Variants in SEMA6A observed in about 807,000 individuals in gnomAD.
SEMA6A encodes the protein semaphorin-6A.
A neutral mutation model predicts 96.8 loss-of-function variants in SEMA6A; 25 were observed. The observed-to-expected ratio is 0.26, with a 90% confidence interval of 0.19 to 0.36. The LOEUF (loss-of-function observed/expected upper bound fraction) is 0.36, where lower values mean the gene tolerates loss of function less well. Among genes scored for constraint, SEMA6A ranks in the 10% least tolerant of loss-of-function variants. SEMA6A has a pLI of 1.00. For synonymous variants in SEMA6A, 612 were observed against 518.0 expected (o/e 1.18, Z -2.46); for missense variants, 1,363 against 1,323.1 (o/e 1.03, Z -0.47).
In SEMA6A at chr5:116,447,370, C is replaced by G. The variant is rs1422549935; in HGVS notation, c.2336G>C (p.Arg779Thr). The change falls in exon 19 of 19, where the codon AGG becomes ACG. Residue 779 changes from arginine to threonine, a missense_variant. By Grantham distance (71) the Arg-to-Thr change is moderately conservative. Coordinates refer to ENST00000343348, the MANE Select transcript of SEMA6A (RefSeq NM_020796.5). The stretch of plus-strand genomic sequence containing the variant: ...GCAGGCATTGATGAGGTTCTGGTTC[C>G]TCTCCCACTCGCGGCTGCCGCGGCT... ...KPSRGSREWE[R>T]NQNLINACTK... 5.0e-6 allele frequency: 8 copies of G among 1,613,880 alleles called. 1 individual carries two copies. Among genetic ancestry groups the G allele is most frequent in the African/African-American group, 1.3e-5 (1 of 74,948 alleles).
intron 1 of SEMA6A, among the ~76,000 whole-genome samples, chr5:116,523,363 A>T (rs1486366851): frequency 6.6e-6 from 1 of 151,996 alleles, no homozygotes; most frequent in African/African-American, 2.4e-5. Context: ...GCCCAGGCTG[A>T]AGTGCAGTGA....
chr5:116,523,486 A>C (rs775540759), intron 1 of SEMA6A, among the ~76,000 whole-genome samples: 2 of 151,564 alleles, frequency 1.3e-5, no homozygotes, highest in Non-Finnish European at 2.9e-5. Context: ...TAATTTTTGT[A>C]TTTTTTGTAG....
Position 116,531,426 on chromosome 5 carries a change from C to T in SEMA6A, c.-38-26444G>A, listed in dbSNP as rs575243942. Reference sequence around the variant, plus strand: ...GCCCTCTGGATGTTTCACCCGGGCCCAATCTACCTTGTGTAAAGGCCCTCC... The same window carrying T: ...GCCCTCTGGATGTTTCACCCGGGCCTAATCTACCTTGTGTAAAGGCCCTCC... On this transcript the variant is annotated intron_variant, in intron 1 of 18. Transcript: ENST00000343348. Among the ~76,000 whole-genome samples, 595 of 152,152 alleles carry T rather than the reference C, an allele frequency of 3.9e-3. 11 individuals carry two copies. Among genetic ancestry groups the T allele is most frequent in the African/African-American group, 0.014 (561 of 41,502 alleles).
chr5:116,484,514 GAAT>G (rs1291897034), intron 10 of SEMA6A, among the ~76,000 whole-genome samples: 2 of 151,730 alleles, frequency 1.3e-5, no homozygotes, highest in Admixed American at 1.3e-4. Context: ...GCAAATATAA[GAAT>G]AATGACAAAA....
At chr5:116,461,474 A>G (rs958478538) in intron 18 of SEMA6A, among the ~76,000 whole-genome samples, 3 of 113,182 alleles carry the variant, frequency 2.7e-5, no homozygotes, top group African/African-American at 8.9e-5. Flanking sequence ...TTTTCTTGAA[A>G]TAAAGCTTAG....
intron 1 of SEMA6A, among the ~76,000 whole-genome samples, chr5:116,568,047 G>C (rs538396099): frequency 5.3e-5 from 8 of 152,116 alleles, no homozygotes; most frequent in Non-Finnish European, 1.2e-4. Flanking sequence ...CAATGAATTT[G>C]AACATATTAT....
chr5:116,506,317 T>A (rs973901519), intron 1 of SEMA6A, among the ~76,000 whole-genome samples: 1 of 152,240 alleles, frequency 6.6e-6, no homozygotes, highest in Non-Finnish European at 1.5e-5. Flanking sequence ...ATTTGCTTTA[T>A]CTTGAAAATC....
intron 1 of SEMA6A, among the ~76,000 whole-genome samples, chr5:116,516,822 T>G (rs1028883970): frequency 2.6e-5 from 4 of 152,232 alleles, no homozygotes; most frequent in African/African-American, 7.2e-5. Flanking sequence ...ATAGGTTTGT[T>G]TGAATGTCTC....
chr5:116,464,002 A>G (rs960459534), intron 18 of SEMA6A, among the ~76,000 whole-genome samples: 1 of 152,204 alleles, frequency 6.6e-6, no homozygotes, highest in Non-Finnish European at 1.5e-5. Flanking sequence ...GTAAGGAATA[A>G]GAGGCACAAG....
At chr5:116,452,689 T>C (rs1263803351) in intron 18 of SEMA6A, among the ~76,000 whole-genome samples, 1 of 152,216 alleles carries the variant, frequency 6.6e-6, no homozygotes, top group Non-Finnish European at 1.5e-5. Context: ...AAATGTTTTC[T>C]AGTAGTCCTG....
At chr5:116,519,664 T>TACACACACACACAC (rs72233200) in intron 1 of SEMA6A, among the ~76,000 whole-genome samples, 6 of 147,028 alleles carry the variant, frequency 4.1e-5, no homozygotes, top group African/African-American at 1.0e-4. Context: ...ATGCTGTGTG[T>TACACACACACACAC]ACACACACAC....
chr5:116,503,800 C>T (rs1388325259), intron 2 of SEMA6A, among the ~76,000 whole-genome samples: 1 of 152,086 alleles, frequency 6.6e-6, no homozygotes. Context: ...CAGGCGTAAG[C>T]CACCGCGCCC....
chr5:116,532,995 TCA>T (rs1377188954), intron 1 of SEMA6A, among the ~76,000 whole-genome samples: 4 of 152,220 alleles, frequency 2.6e-5, no homozygotes, highest in Non-Finnish European at 5.9e-5. Context: ...TGCCAAGAGA[TCA>T]CAAACACATC....
At chr5:116,465,320 A>G (rs1040873546) in intron 18 of SEMA6A, among the ~76,000 whole-genome samples, 2 of 152,250 alleles carry the variant, frequency 1.3e-5, no homozygotes, top group African/African-American at 4.8e-5. Context: ...AAAGTTGAAA[A>G]TAAATCATGA....
chr5:116,470,926 G>A (rs372292749), intron 17 of SEMA6A, among the ~76,000 whole-genome samples: 1 of 152,190 alleles, frequency 6.6e-6, no homozygotes, highest in African/African-American at 2.4e-5. Context: ...CAAATACAGT[G>A]CCCAGTACAG....
chr5:116,501,261 CG>C (rs1025537746), intron 3 of SEMA6A, among the ~76,000 whole-genome samples: 6 of 152,096 alleles, frequency 3.9e-5, no homozygotes, highest in African/African-American at 1.4e-4. Flanking sequence ...ACTTGTGGTC[CG>C]GCTAAATTAA....
intron 18 of SEMA6A, chr5:116,449,566 T>G: frequency 3.7e-6 from 2 of 538,322 alleles, no homozygotes; most frequent in South Asian, 4.9e-5. Flanking sequence ...TCTGAAGTGA[T>G]GGTTTTAAAA....
At position 116,558,892 on chromosome 5, in the gene SEMA6A, T is replaced by C. The variant is rs542100743; in HGVS notation, c.-39+15293A>G. On this transcript the variant is annotated intron_variant, in intron 1 of 18. Transcript: ENST00000343348. ...AACACTCATATAAATATGCCCAACA[T>C]TGAGCCGGGGGGAGAGGGAGAACAC... Among the ~76,000 whole-genome samples the C allele has an allele frequency of 5.3e-5, 8 of 152,288 alleles. No individual in the cohort carries two copies. In the East Asian group the frequency reaches 5.8e-4, roughly 11 times the overall value.
chr5:116,446,811 C>T lies in SEMA6A; in HGVS notation c.2895G>A (p.Arg965=), dbSNP rs370011902. 53 of 1,613,584 alleles carry T rather than the reference C, an allele frequency of 3.3e-5. No individual in the cohort carries two copies. In the African/African-American group the frequency reaches 5.9e-4, roughly 18 times the overall value. ...RGDNPPPAPQ[R]VDSIQVHSSQ... ...AGCTGTGCACCTGGATGGAGTCCAC[C>T]CTCTGCGGGGCGGGCGGCGGGTTGT... The change falls in exon 19 of 19, where the codon AGG becomes AGA. Residue 965 remains arginine (R), a synonymous_variant. Coordinates refer to ENST00000343348, the MANE Select transcript of SEMA6A (RefSeq NM_020796.5).
Sources: allele counts gnomAD v4.1 joint callset (sites outside exome capture counted in the v4.1 genomes callset), GRCh38; gene constraint gnomAD v4.1.1; transcripts MANE v1.5; gene names NCBI Gene and HGNC (gene_info 2026-07-23, HGNC 2026-07-21).